TTC39B: variants seen among roughly 807,000 people sequenced by gnomAD.
TTC39B encodes tetratricopeptide repeat protein 39B.
In TTC39B, 92 loss-of-function variants were observed where a neutral mutation model predicts 96.6. That is an observed-to-expected ratio of 0.95 (90% CI 0.80 to 1.13). The LOEUF (loss-of-function observed/expected upper bound fraction) is 1.13, where lower values mean the gene tolerates loss of function less well. Among genes scored for constraint, TTC39B ranks in the 50% most tolerant of loss-of-function variants. The probability of loss-of-function intolerance (pLI) is 0.00; values close to 1 mark genes in which losing one functional copy is unlikely to be tolerated. For missense variants in TTC39B, 955 were observed against 809.3 expected, an observed-to-expected ratio of 1.18 and a Z score of -2.18; for synonymous variants, 367 against 299.4, an observed-to-expected ratio of 1.23 and a Z score of -2.33.
At chr9:15,210,619 C>T (rs1170160985) in intron 5 of TTC39B, among the ~76,000 whole-genome samples, 1 of 152,146 alleles carries the variant, frequency 6.6e-6, no homozygotes, top group Non-Finnish European at 1.5e-5. Context: ...CTATGGGGGG[C>T]ACATCAAGCA....
At chr9:15,211,744 G>C (rs1820213561) in intron 4 of TTC39B, among the ~76,000 whole-genome samples, 1 of 152,142 alleles carries the variant, frequency 6.6e-6, no homozygotes, top group South Asian at 2.1e-4. Flanking sequence ...CTAAAATAAA[G>C]GCCGCTGGAA....
intron 18 of TTC39B, among the ~76,000 whole-genome samples, chr9:15,176,628 T>G (rs901896591): frequency 3.9e-5 from 6 of 152,122 alleles, no homozygotes; most frequent in Non-Finnish European, 7.3e-5. Context: ...TAAAATCAGG[T>G]GATTTTACAT....
chr9:15,271,059 A>T (rs985923315), intron 1 of TTC39B, among the ~76,000 whole-genome samples: 1 of 152,010 alleles, frequency 6.6e-6, no homozygotes, highest in Non-Finnish European at 1.5e-5. Flanking sequence ...CTGGGGTTCA[A>T]TCTCAGGCTT....
exon 3 of TTC39B, chr9:15,225,956 T>C (rs1821100209): frequency 6.2e-7 from 1 of 1,614,094 alleles, no homozygotes; most frequent in East Asian, 2.2e-5. Flanking sequence ...GGGCGCCTGT[T>C]GTGTATCACA....
intron 3 of TTC39B, among the ~76,000 whole-genome samples, chr9:15,217,010 T>A (rs371358394): frequency 6.6e-6 from 1 of 152,188 alleles, no homozygotes; most frequent in East Asian, 1.9e-4. Flanking sequence ...AAAGGTGACA[T>A]CCAATTGCTG....
At chr9:15,240,693 C>T (rs1278843856) in intron 2 of TTC39B, among the ~76,000 whole-genome samples, 2 of 152,062 alleles carry the variant, frequency 1.3e-5, no homozygotes, top group African/African-American at 4.8e-5. Flanking sequence ...TATGCAAGAA[C>T]AGTATAATTT....
intron 1 of TTC39B, among the ~76,000 whole-genome samples, chr9:15,280,275 T>C (rs1474388628): frequency 1.3e-5 from 2 of 152,144 alleles, no homozygotes; most frequent in Non-Finnish European, 2.9e-5. Context: ...CCTGTAACAG[T>C]CACAAACTGC....
At chr9:15,175,127 A>G (rs779848292) in exon 19 of TTC39B, 1 of 1,607,436 alleles carries the variant, frequency 6.2e-7, no homozygotes, top group South Asian at 1.1e-5. Flanking sequence ...ATACTTCAGT[A>G]GCTTTTCACT....
intron 2 of TTC39B, among the ~76,000 whole-genome samples, 178 bp from the exon 3 acceptor site, chr9:15,226,190 A>T (rs1343641023): frequency 6.6e-6 from 1 of 152,232 alleles, no homozygotes; most frequent in Non-Finnish European, 1.5e-5. Flanking sequence ...AACATTCCTG[A>T]AATACAGCCC....
intron 19 of TTC39B, among the ~76,000 whole-genome samples, chr9:15,173,178 A>T (rs1817751990): frequency 6.6e-6 from 1 of 152,206 alleles, no homozygotes. Context: ...TATTTGGAAC[A>T]GCAGCATTTA....
exon 13 of TTC39B, chr9:15,189,612 G>C: frequency 6.2e-7 from 1 of 1,614,126 alleles, no homozygotes; most frequent in Admixed American, 1.7e-5. Context: ...ATTCGGGCAT[G>C]ATAAAACAAC....
chr9:15,190,627 T>C, exon 11 of TTC39B: 3 of 1,614,208 alleles, frequency 1.9e-6, no homozygotes, highest in Non-Finnish European at 2.5e-6. Context: ...TGCTCCTTCC[T>C]GAAGCACCTT....
chr9:15,174,117 A>G (rs967486844), intron 19 of TTC39B, among the ~76,000 whole-genome samples: 4 of 152,188 alleles, frequency 2.6e-5, no homozygotes, highest in African/African-American at 9.6e-5. Flanking sequence ...ATCCTGAAGT[A>G]ACACCCAGGC....
chr9:15,190,298 T>C (rs1321630741), intron 11 of TTC39B, among the ~76,000 whole-genome samples: 1 of 152,226 alleles, frequency 6.6e-6, no homozygotes, highest in Non-Finnish European at 1.5e-5. Flanking sequence ...TCTAAATTTT[T>C]ACTTACTCAG....
intron 2 of TTC39B, among the ~76,000 whole-genome samples, chr9:15,235,454 A>C (rs1352909799): frequency 6.6e-6 from 1 of 152,186 alleles, no homozygotes; most frequent in Non-Finnish European, 1.5e-5. Flanking sequence ...GATACAAGAC[A>C]TTCAGAGAAC....
At chr9:15,255,536 G>T (rs1021606480) in intron 2 of TTC39B, among the ~76,000 whole-genome samples, 3 of 151,984 alleles carry the variant, frequency 2.0e-5, no homozygotes, top group African/African-American at 7.3e-5. Flanking sequence ...AGTCATCTTA[G>T]GTTCCTATTT....
At chr9:15,202,262 T>G (rs1416041046) in intron 7 of TTC39B, among the ~76,000 whole-genome samples, 2 of 152,244 alleles carry the variant, frequency 1.3e-5, no homozygotes, top group Non-Finnish European at 2.9e-5. Context: ...ATTATGATGC[T>G]TACTGAGGCA....
chr9:15,272,939 A>G (rs1166712522), intron 1 of TTC39B, among the ~76,000 whole-genome samples: 1 of 152,212 alleles, frequency 6.6e-6, no homozygotes, highest in East Asian at 1.9e-4. Context: ...CTGGGAGATC[A>G]GCCTGAACCC....
exon 20 of TTC39B, chr9:15,169,251 T>A (rs1353894362): frequency 1.3e-5 from 2 of 152,174 alleles, no homozygotes; most frequent in African/African-American, 2.4e-5. Flanking sequence ...GACTTAATTT[T>A]CCTATATAAC....
Sources: gnomAD v4.1 joint callset for allele counts (sites outside exome capture counted in the v4.1 genomes callset) on GRCh38, gnomAD v4.1.1 for gene constraint, MANE v1.5 for transcripts, NCBI Gene and HGNC (gene_info 2026-07-23, HGNC 2026-07-21) for gene names.